DVL2: variants seen among roughly 807,000 people sequenced by gnomAD.
DVL2 encodes the protein segment polarity protein dishevelled homolog DVL-2.
In DVL2, 38 loss-of-function variants were observed where a neutral mutation model predicts 69.8. The observed-to-expected ratio is 0.54, with a 90% CI of 0.42 to 0.71. DVL2 has a LOEUF of 0.71. Ranked by LOEUF, DVL2 falls within the 30% of genes least tolerant of loss-of-function variation. DVL2 has a pLI of 0.00. For missense variants in DVL2, 931 were observed against 1,008.1 expected, an observed-to-expected ratio of 0.92 and a Z score of 1.04; for synonymous variants, 428 against 392.4, an observed-to-expected ratio of 1.09 and a Z score of -1.07.
chr17:7,228,935 G>C (rs776253767), intron 9 of DVL2, 34 bp downstream of exon 9: 2 of 1,600,342 alleles, frequency 1.2e-6, no homozygotes, highest in East Asian at 4.5e-5. Context: ...AAAAAAAAGA[G>C]GACTGAGGAC....
chr17:7,234,369 A>C lies in DVL2; in HGVS notation c.-107T>G. 1 of 1,292,640 alleles carries C rather than the reference A, an allele frequency of 7.7e-7. No homozygotes were observed. Among genetic ancestry groups the C allele is most frequent in the Non-Finnish European group, 1.1e-6 (1 of 933,512 alleles). The allele number at this position is 1,292,640 out of a possible 1,614,324, so 80.1% of individuals were successfully genotyped here. A position where few individuals can be genotyped will look rare whatever the true frequency, so the allele number is the denominator to read the frequency against. On this transcript the variant is annotated 5_prime_UTR_variant, in exon 1 of 15. Transcript: ENST00000005340. ...CGACGCGCGAGCGCGGACAGGACTGACCCAGTACGGGAGAGAAGCAAAGGG... is the reference window on the plus strand; with the variant it reads ...CGACGCGCGAGCGCGGACAGGACTGCCCCAGTACGGGAGAGAAGCAAAGGG...
In DVL2 at chr17:7,228,969, C is replaced by T. The variant is rs2071499527; in HGVS notation, c.1034G>A (p.Gly345Asp). 1.2e-6 allele frequency: 2 copies of T among 1,613,946 alleles called. No individual in the cohort carries two copies. Among genetic ancestry groups the T allele is most frequent in the African/African-American group, 1.3e-5 (1 of 74,892 alleles). The stretch of plus-strand genomic sequence containing the variant: ...ACCGGCAACCTGCTTGGCAACTCAC[C>T]CAGGCTTGTGCACAATGTCCCTCAG... The part of the protein sequence containing the change: ...RVLRDIVHKP[G>D]PIVLTVAKCW... The change falls in exon 9 of 15, where the codon GGC becomes GAC. Residue 345 changes from glycine to aspartate, a missense_variant and splice_region_variant. By Grantham distance (94) the Gly-to-Asp change is moderately conservative. This residue lies in a region of DVL2 where 555 missense variants were observed against 588.8 expected (regional missense o/e 0.94). Transcript: ENST00000005340.
At position 7,226,220 on chromosome 17, in the gene DVL2, C is replaced by T; in HGVS notation, c.1856G>A (p.Gly619Asp). Reference protein sequence around the residue: ...ERAPESKSGSGSESEPSSRGG... With the variant: ...ERAPESKSGSDSESEPSSRGG... ...TCGGCTGGAGGGCTCAGACTCACTG[C>T]CACTGCCGGACTTGGACTCGGGGGC... Residue 619 changes from glycine to aspartate, a missense_variant, in exon 15 of 15, where the codon GGC becomes GAC. By Grantham distance (94) the Gly-to-Asp change is moderately conservative. Coordinates refer to ENST00000005340, the MANE Select transcript of DVL2 (RefSeq NM_004422.3). The T allele has an allele frequency of 6.2e-7, 1 of 1,612,356 alleles. No individual in the cohort carries two copies. Among genetic ancestry groups the T allele is most frequent in the Non-Finnish European group, 8.5e-7 (1 of 1,179,766 alleles).
chr17:7,227,000 T>G (rs1045147295), intron 13 of DVL2, 90 bp downstream of exon 13: 1 of 1,341,160 alleles, frequency 7.5e-7, no homozygotes, highest in South Asian at 1.4e-5. Flanking sequence ...ATGGTGGCCC[T>G]GGCTGCGGTT....
At chr17:7,233,880 C>A in intron 1 of DVL2, 189 bp downstream of exon 1, 1 of 671,672 alleles carries the variant, frequency 1.5e-6, no homozygotes. Flanking sequence ...CTAGTCTGTC[C>A]GTGTGCCTCA....
chr17:7,229,389 G>GT lies in DVL2; in HGVS notation c.805dup (p.Thr269AsnfsTer20). On this transcript the variant is annotated frameshift_variant, in exon 7 of 15. Coordinates refer to ENST00000005340, the MANE Select transcript of DVL2 (RefSeq NM_004422.3). LOFTEE classifies it high-confidence loss of function. This position sits in a 1 kb window ranked among gnomAD's most constrained non-coding sequence, Gnocchi z 4.4. ...GGCTCTCCCCATACCCATGTTTAGC[G>GT]TGACTGTGATGATATTGAGAGACAT... The GT allele has an allele frequency of 1.2e-6, 2 of 1,613,958 alleles. No homozygotes were observed. The highest frequency in any genetic ancestry group is 4.5e-5 in the East Asian group (2 of 44,890).
In DVL2 at chr17:7,229,127, C is replaced by T; in HGVS notation, c.957+8G>A. 1 of 1,614,028 alleles carries T rather than the reference C, an allele frequency of 6.2e-7. No individual in the cohort carries two copies. Among genetic ancestry groups the T allele is most frequent in the Non-Finnish European group, 8.5e-7 (1 of 1,179,892 alleles). On this transcript the variant is annotated splice_region_variant and intron_variant, in intron 8 of 14. Transcript: ENST00000005340. The surrounding 1 kb of genome is among the most constrained non-coding windows in gnomAD (Gnocchi z 4.4). ...GCAGGGCAGCTCAGTGGCCCTACCC[C>T]AGCACACCTGCAAAAGCATGTCCCC...
chr17:7,226,090 T>C lies in DVL2; in HGVS notation c.1986A>G (p.Pro662=), dbSNP rs1279938812. ...TGGAPNLRAH[P]GLHPYGPPPG... ...GGGGCGGTCCATAGGGATGGAGCCC[T>C]GGGTGGGCTCGGAGATTAGGGGCAC... Residue 662 remains proline (P), a synonymous_variant, in exon 15 of 15, where the codon CCA becomes CCG. Coordinates refer to ENST00000005340, the MANE Select transcript of DVL2 (RefSeq NM_004422.3). 1 of 1,594,472 alleles carries C rather than the reference T, an allele frequency of 6.3e-7. No homozygotes were observed. Among genetic ancestry groups the C allele is most frequent in the East Asian group, 2.2e-5 (1 of 44,598 alleles).
rs369472570 is a variant in DVL2 at position 7,227,932 on chromosome 17, C to A, written c.1102+45G>T. The A allele has an allele frequency of 1.0e-5, 16 of 1,574,598 alleles. No homozygotes were observed. In the African/African-American group the frequency reaches 1.9e-4, roughly 19 times the overall value. ...ACAGGCCCGGCCCCAGCCTCCTGGGCAGCCCCCACCCCCAACTTCAGGCCC... is the reference window on the plus strand; with the variant it reads ...ACAGGCCCGGCCCCAGCCTCCTGGGAAGCCCCCACCCCCAACTTCAGGCCC... On this transcript the variant is annotated intron_variant, in intron 10 of 14. Transcript: ENST00000005340.
In DVL2 at chr17:7,228,973, G is replaced by C; in HGVS notation, c.1030C>G (p.Pro344Ala). ...GCAACCTGCTTGGCAACTCACCCAG[G>C]CTTGTGCACAATGTCCCTCAGCACC... ...VRVLRDIVHK[P>A]GPIVLTVAKC... Residue 344 changes from proline to alanine, a missense_variant, in exon 9 of 15, where the codon CCT becomes GCT. Around this residue, in one of 3 missense-constraint regions of DVL2, gnomAD observed 555 missense variants for 588.8 expected, o/e 0.94. Coordinates refer to ENST00000005340, the MANE Select transcript of DVL2 (RefSeq NM_004422.3). 6.2e-7 allele frequency: 1 copy of C among 1,614,046 alleles called. No individual in the cohort carries two copies. Among genetic ancestry groups the C allele is most frequent in the South Asian group, 1.1e-5 (1 of 91,082 alleles).
At chr17:7,227,933 A>G (rs2071482990) in intron 10 of DVL2, 44 bp downstream of exon 10, 1 of 1,565,104 alleles carries the variant, frequency 6.4e-7, no homozygotes, top group African/African-American at 1.4e-5. Context: ...CCTCCTGGGC[A>G]GCCCCCACCC....
At chr17:7,228,096 G>T (rs1393855666) in intron 9 of DVL2, 52 bp from the exon 10 acceptor site, 1 of 1,434,220 alleles carries the variant, frequency 7.0e-7, no homozygotes. Context: ...GAGGCCTCAG[G>T]AGGGCGGGGG....
Position 7,226,434 on chromosome 17 carries a change from G to C in DVL2, c.1749C>G (p.Ser583Arg). The part of the protein sequence containing the change: ...SYTYGGGSAS[S>R]QHSEGSRSSG... ...GGGATGACTTACCCTCACTATGCTG[G>C]CTGCTGGCACTGCCCCCACCATAGG... The change falls in exon 14 of 15, where the codon AGC becomes AGG. Residue 583 changes from serine (S) to arginine (R), a missense_variant. By Grantham distance (110) the Ser-to-Arg change is moderately radical (BLOSUM62 -1). Transcript: ENST00000005340. The C allele has an allele frequency of 6.5e-7, 1 of 1,535,522 alleles. No individual in the cohort carries two copies. The highest frequency in any genetic ancestry group is 8.8e-7 in the Non-Finnish European group (1 of 1,141,870).
In DVL2 at chr17:7,232,835, A is replaced by T. The variant is rs2071562583; in HGVS notation, c.194+1234T>A. On this transcript the variant is annotated intron_variant, in intron 1 of 14. Transcript: ENST00000005340. ...CCGGGCGCGGTGGCTCACGCCTGTAATCCCAGCACTTTGGGAGGCTGAGGC... is the reference window on the plus strand; with the variant it reads ...CCGGGCGCGGTGGCTCACGCCTGTATTCCCAGCACTTTGGGAGGCTGAGGC... Among the ~76,000 whole-genome samples, 3 of 152,142 alleles carry T rather than the reference A, an allele frequency of 2.0e-5. No individual in the cohort carries two copies. In the South Asian group the frequency reaches 6.2e-4, roughly 32 times the overall value.
chr17:7,230,046 C>A lies in DVL2; in HGVS notation c.520G>T (p.Ala174Ser). 1 of 1,613,820 alleles carries A rather than the reference C, an allele frequency of 6.2e-7. No homozygotes were observed. Among genetic ancestry groups the A allele is most frequent in the Non-Finnish European group, 8.5e-7 (1 of 1,180,018 alleles). ...CCCGGCCCCCAGGCCTGCCCCTCAC[C>A]GCCATGCTCACTGCTGTCTCTCCTG... is the stretch of plus-strand genomic sequence containing the variant. The part of the protein sequence containing the change: ...PRRRDSSEHG[A>S]GGHRTGGPSR... Residue 174 changes from alanine (A) to serine (S), a missense_variant and splice_region_variant, in exon 4 of 15, where the codon GCT (alanine) becomes TCT (serine). Physicochemically the swap from Ala to Ser is moderately conservative, Grantham distance 99. Coordinates refer to ENST00000005340, the MANE Select transcript of DVL2 (RefSeq NM_004422.3).
intron 3 of DVL2, 62 bp downstream of exon 3, chr17:7,230,223 A>C (rs2071521627): frequency 6.2e-7 from 1 of 1,611,230 alleles, no homozygotes; most frequent in Non-Finnish European, 8.5e-7. Flanking sequence ...GGCGTCCCCT[A>C]CCAAAGGCCT....
rs752409376 is a variant in DVL2, at chr17:7,226,415, A to C, written c.1762+6T>G. On this transcript the variant is annotated splice_donor_region_variant and intron_variant, in intron 14 of 14. Coordinates refer to ENST00000005340, the MANE Select transcript of DVL2 (RefSeq NM_004422.3). ...CTGGCCGTACAGGTATGTGGGGATG[A>C]CTTACCCTCACTATGCTGGCTGCTG... 2 of 1,530,476 alleles carry C rather than the reference A, an allele frequency of 1.3e-6. No individual in the cohort carries two copies. Among genetic ancestry groups the C allele is most frequent in the Non-Finnish European group, 1.8e-6 (2 of 1,139,790 alleles). 94.8% of individuals were successfully genotyped at this position (1,530,476 alleles called of 1,614,324 possible).
At position 7,226,117 on chromosome 17, in the gene DVL2, C is replaced by T. The variant is rs1315387313; in HGVS notation, c.1959G>A (p.Gly653=). The change falls in exon 15 of 15, where the codon GGG becomes GGA. Residue 653 remains glycine, a synonymous_variant. Transcript: ENST00000005340. ...GGPPPSRGST[G]GAPNLRAHPG... ...GGTGGGCTCGGAGATTAGGGGCACC[C>T]CCAGTTGAGCCTCTGGATGGAGGAG... 1 of 1,598,838 alleles carries T rather than the reference C, an allele frequency of 6.3e-7. No individual in the cohort carries two copies. Among genetic ancestry groups the T allele is most frequent in the Non-Finnish European group, 8.5e-7 (1 of 1,172,028 alleles).
intron 9 of DVL2, chr17:7,228,489 T>G (rs557604008): frequency 2.8e-4 from 50 of 176,962 alleles, no homozygotes; most frequent in Non-Finnish European, 5.0e-4. Context: ...ATCTCCTATT[T>G]GATGATCTAG....
Sources: gnomAD v4.1 joint callset for allele counts (sites outside exome capture counted in the v4.1 genomes callset) on GRCh38, gnomAD v4.1.1 for gene constraint, gnomAD v4.1.1 regional missense constraint, Gnocchi (gnomAD v3.1) non-coding constraint, MANE v1.5 for transcripts, NCBI Gene and HGNC (gene_info 2026-07-23, HGNC 2026-07-21) for gene names.